RERE: variants seen among roughly 807,000 people sequenced by gnomAD.
RERE encodes arginine-glutamic acid dipeptide repeats, also known as arginine-glutamic acid dipeptide repeats protein.
Under a neutral mutation model 146.1 loss-of-function variants are expected in RERE, and 40 were observed. The observed-to-expected ratio is 0.27, with a 90% CI of 0.21 to 0.36. The LOEUF is 0.36. Among genes scored for constraint, RERE ranks in the 10% least tolerant of loss-of-function variants. The pLI is 1.00. For missense variants in RERE, 1,933 were observed against 2,138.7 expected, an observed-to-expected ratio of 0.90 and a Z score of 1.90; for synonymous variants, 1,003 against 866.0, an observed-to-expected ratio of 1.16 and a Z score of -2.78.
Position 8,817,223 on chromosome 1 carries a change from C to A in RERE, c.-208G>T. ...CGCGGCCCAGCTCCGGGGAAAGTGG[C>A]GGGGATGGGGCGGGAGGCCGCGCGG... is the stretch of plus-strand genomic sequence containing the variant. On this transcript the variant is annotated 5_prime_UTR_variant, in exon 1 of 23. Coordinates refer to ENST00000400908, the MANE Select transcript of RERE (RefSeq NM_001042681.2). The A allele has an allele frequency of 6.6e-6, 1 of 152,418 alleles. No homozygotes were observed. Among genetic ancestry groups the A allele is most frequent in the Non-Finnish European group, 1.5e-5 (1 of 68,184 alleles). The allele number at this position is 152,418 out of a possible 1,614,324, so 9.4% of individuals were successfully genotyped here.
intron 19 of RERE, among the ~76,000 whole-genome samples, chr1:8,359,137 G>A (rs1270292902): frequency 6.6e-6 from 1 of 152,220 alleles, no homozygotes; most frequent in African/African-American, 2.4e-5. Flanking sequence ...AGGCCCAGAT[G>A]GGAATGTGTC....
At chr1:8,733,144 T>G (rs998095240) in intron 1 of RERE, among the ~76,000 whole-genome samples, 1 of 152,024 alleles carries the variant, frequency 6.6e-6, no homozygotes, top group Non-Finnish European at 1.5e-5. Context: ...AATCTAAAAG[T>G]GTTCTAAAGT....
chr1:8,756,703 A>AG (rs1640645408), intron 1 of RERE, among the ~76,000 whole-genome samples: 1 of 152,238 alleles, frequency 6.6e-6, no homozygotes. Context: ...GGATCACTTT[A>AG]ACTTTAGAAT....
At chr1:8,785,178 AT>A (rs2124565355) in intron 1 of RERE, among the ~76,000 whole-genome samples, 1 of 152,324 alleles carries the variant, frequency 6.6e-6, no homozygotes, top group South Asian at 2.1e-4. Flanking sequence ...AAGAGATGTC[AT>A]TTACATGCCC....
At chr1:8,482,463 C>T (rs1035582370) in intron 10 of RERE, among the ~76,000 whole-genome samples, 3 of 151,818 alleles carry the variant, frequency 2.0e-5, no homozygotes, top group African/African-American at 7.3e-5. Flanking sequence ...GGGTGGATCA[C>T]GAGGTTAGGA....
At chr1:8,620,994 C>T (rs1463632465) in intron 3 of RERE, among the ~76,000 whole-genome samples, 1 of 152,012 alleles carries the variant, frequency 6.6e-6, no homozygotes, top group Non-Finnish European at 1.5e-5. Flanking sequence ...ATAGCCTCCA[C>T]CTACCCTGTG....
At chr1:8,768,694 C>G (rs758415880) in intron 1 of RERE, among the ~76,000 whole-genome samples, 2 of 152,168 alleles carry the variant, frequency 1.3e-5, no homozygotes, top group East Asian at 1.9e-4. Flanking sequence ...GTCCAAGAGT[C>G]CTGTTTACAA....
rs186426663 is a variant in RERE at position 8,536,316 on chromosome 1, G to A, written c.830+4898C>T. 5.9e-5 allele frequency among the ~76,000 whole-genome samples: 9 copies of A among 152,124 alleles called. 1 individual carries two copies. Among genetic ancestry groups the A allele is most frequent in the East Asian group, 1.9e-4 (1 of 5,178 alleles). On this transcript the variant is annotated intron_variant, in intron 7 of 22. Coordinates refer to ENST00000400908, the MANE Select transcript of RERE (RefSeq NM_001042681.2). ...GGACACGAGGATTAAGTAGCAGCAC[G>A]GGACTAGAACCCAGGCCACCCAGAT...
intron 11 of RERE, among the ~76,000 whole-genome samples, chr1:8,459,612 C>A (rs576619958): frequency 6.6e-6 from 1 of 152,214 alleles, no homozygotes; most frequent in South Asian, 2.1e-4. Context: ...CAAACCTGTA[C>A]ACATACGTAA....
intron 11 of RERE, among the ~76,000 whole-genome samples, chr1:8,431,950 T>G (rs1644101036): frequency 6.6e-6 from 1 of 152,146 alleles, no homozygotes; most frequent in Admixed American, 6.5e-5. Flanking sequence ...GATTCATTCT[T>G]CACTTCATGG....
intron 1 of RERE, among the ~76,000 whole-genome samples, chr1:8,747,229 C>CT (rs2124511376): frequency 6.6e-6 from 1 of 152,198 alleles, no homozygotes; most frequent in African/African-American, 2.4e-5. Flanking sequence ...TCTCGATCTC[C>CT]TGACCTCGTG....
intron 4 of RERE, among the ~76,000 whole-genome samples, chr1:8,578,672 T>C (rs1205134287): frequency 1.3e-5 from 2 of 152,096 alleles, no homozygotes; most frequent in East Asian, 3.9e-4. Flanking sequence ...ATGGTTTAAA[T>C]GGATTTCTCA....
intron 1 of RERE, among the ~76,000 whole-genome samples, chr1:8,760,294 A>AGG (rs1469509838): frequency 1.3e-5 from 2 of 152,208 alleles, no homozygotes; most frequent in African/African-American, 4.8e-5. Flanking sequence ...CCCAAAGTGC[A>AGG]GGGATTAGAG....
chr1:8,501,043 G>GT (rs1236311695), intron 8 of RERE, among the ~76,000 whole-genome samples: 36 of 93,744 alleles, frequency 3.8e-4, no homozygotes, highest in African/African-American at 1.3e-3. Context: ...GGGGGGGGGG[G>GT]GTCAGCCCCC....
chr1:8,506,007 T>C (rs1645245338), intron 8 of RERE, among the ~76,000 whole-genome samples: 1 of 152,208 alleles, frequency 6.6e-6, no homozygotes, highest in African/African-American at 2.4e-5. Flanking sequence ...ATTTGCTCCT[T>C]TTCCAAGAAT....
At chr1:8,463,290 A>AT (rs1439985446) in intron 11 of RERE, among the ~76,000 whole-genome samples, 4 of 152,222 alleles carry the variant, frequency 2.6e-5, no homozygotes, top group Non-Finnish European at 1.5e-5. Context: ...CAAGGGCTGG[A>AT]TGGCTGCCAA....
At chr1:8,803,487 A>AT (rs1641627076) in intron 1 of RERE, among the ~76,000 whole-genome samples, 1 of 152,182 alleles carries the variant, frequency 6.6e-6, no homozygotes, top group Non-Finnish European at 1.5e-5. Flanking sequence ...AAATAAAAAA[A>AT]AAGAAGTCAC....
chr1:8,412,933 G>T (rs1317484685), intron 12 of RERE, among the ~76,000 whole-genome samples: 6 of 152,200 alleles, frequency 3.9e-5, no homozygotes, highest in Non-Finnish European at 7.3e-5. Flanking sequence ...CCGAAGCTTT[G>T]TAAGCTTCCT....
At chr1:8,672,808 C>CA (rs1211080295) in intron 1 of RERE, among the ~76,000 whole-genome samples, 7 of 151,054 alleles carry the variant, frequency 4.6e-5, no homozygotes, top group East Asian at 3.9e-4. Context: ...ACAGCAACAA[C>CA]AAAAAAAAAC....
Sources: gnomAD v4.1 joint callset for allele counts (sites outside exome capture counted in the v4.1 genomes callset) on GRCh38, gnomAD v4.1.1 for gene constraint, MANE v1.5 for transcripts, NCBI Gene and HGNC (gene_info 2026-07-23, HGNC 2026-07-21) for gene names.